The following PTPRD variants were observed in gnomAD, a reference collection of about 807,000 sequenced individuals.
PTPRD encodes the protein receptor-type tyrosine-protein phosphatase delta.
PTPRD carries 34 observed loss-of-function variants against 214.5 expected under a neutral mutation model. That is an observed-to-expected ratio of 0.16 (90% CI 0.12 to 0.21). PTPRD has a LOEUF of 0.21. PTPRD is among the 10% of genes least tolerant of loss of function. PTPRD has a pLI of 1.00. For synonymous variants in PTPRD, 1,128 were observed against 845.7 expected (o/e 1.33, Z -5.79); for missense variants, 2,545 against 2,398.7 (o/e 1.06, Z -1.27).
intron 11 of PTPRD, among the ~76,000 whole-genome samples, chr9:8,858,642 T>G (rs1387860911): frequency 6.6e-6 from 1 of 151,832 alleles, no homozygotes; most frequent in Non-Finnish European, 1.5e-5. Flanking sequence ...GCGCGTTGCC[T>G]GCGCGTGAGT....
intron 9 of PTPRD, among the ~76,000 whole-genome samples, chr9:9,366,699 T>C (rs1000193313): frequency 3.3e-5 from 5 of 151,484 alleles, no homozygotes; most frequent in African/African-American, 1.2e-4. Flanking sequence ...GTAAATGAAA[T>C]ATGCAATTTA....
At chr9:8,767,042 G>C (rs183942284) in intron 11 of PTPRD, among the ~76,000 whole-genome samples, 1 of 152,268 alleles carries the variant, frequency 6.6e-6, no homozygotes, top group East Asian at 1.9e-4. Flanking sequence ...AAGAGAAATA[G>C]ATAATGCCCC....
intron 10 of PTPRD, among the ~76,000 whole-genome samples, chr9:9,046,791 A>T (rs747667048): frequency 5.9e-5 from 9 of 152,176 alleles, no homozygotes; most frequent in Non-Finnish European, 1.3e-4. Context: ...ATCTGTTTAC[A>T]ACATACCCTT....
At chr9:9,438,812 C>T (rs574081293) in intron 8 of PTPRD, among the ~76,000 whole-genome samples, 1 of 152,018 alleles carries the variant, frequency 6.6e-6, no homozygotes, top group Admixed American at 6.6e-5. Context: ...TAATTTCTTT[C>T]AAAGTATAAA....
rs144590684 is a variant in PTPRD, at chr9:9,863,295, A to C, written c.-368+75212T>G. On this transcript the variant is annotated intron_variant, in intron 5 of 45. Transcript: ENST00000381196. ...TTGGATTAATAACTATTTGAGATAC[A>C]TTCTAAAAAATTTGATAATTGATAA... Among the ~76,000 whole-genome samples the C allele has an allele frequency of 4.1e-3, 620 of 152,318 alleles. 7 individuals carry two copies. Among genetic ancestry groups the C allele is most frequent in the African/African-American group, 0.014 (600 of 41,570 alleles).
chr9:8,821,754 C>G (rs1010644630), intron 11 of PTPRD, among the ~76,000 whole-genome samples: 2 of 152,208 alleles, frequency 1.3e-5, no homozygotes, highest in Non-Finnish European at 2.9e-5. Context: ...CAACCTCCGC[C>G]TCCCAGGTTC....
chr9:10,205,588 G>T (rs1487847720), intron 3 of PTPRD, among the ~76,000 whole-genome samples: 1 of 151,722 alleles, frequency 6.6e-6, no homozygotes, highest in African/African-American at 2.4e-5. Flanking sequence ...TATGTGTTTA[G>T]TAAAGACAGT....
chr9:9,620,919 T>C (rs566239752), intron 7 of PTPRD, among the ~76,000 whole-genome samples: 18 of 152,072 alleles, frequency 1.2e-4, no homozygotes, highest in Admixed American at 7.8e-4. Flanking sequence ...ATATGGTACT[T>C]GGCCAACGAG....
chr9:8,611,869 G>C (rs542209835), intron 14 of PTPRD, among the ~76,000 whole-genome samples: 1 of 148,382 alleles, frequency 6.7e-6, no homozygotes, highest in South Asian at 2.2e-4. Context: ...ATCACTTCCA[G>C]AAAGATGATG....
At chr9:8,910,846 A>C (rs1325439326) in intron 11 of PTPRD, among the ~76,000 whole-genome samples, 1 of 152,240 alleles carries the variant, frequency 6.6e-6, no homozygotes, top group Non-Finnish European at 1.5e-5. Context: ...CTAAGTAAAA[A>C]TTATGTTCAT....
intron 8 of PTPRD, among the ~76,000 whole-genome samples, chr9:9,496,799 C>G (rs1334879136): frequency 6.6e-6 from 1 of 152,160 alleles, no homozygotes; most frequent in Non-Finnish European, 1.5e-5. Context: ...GACATTTATA[C>G]ACCCATGTTT....
At chr9:9,462,564 C>T (rs1002615560) in intron 8 of PTPRD, among the ~76,000 whole-genome samples, 1 of 152,040 alleles carries the variant, frequency 6.6e-6, no homozygotes, top group African/African-American at 2.4e-5. Context: ...AAACAAATAA[C>T]AATCCAACAA....
intron 2 of PTPRD, among the ~76,000 whole-genome samples, chr9:10,429,417 A>C (rs2098655981): frequency 6.6e-6 from 1 of 152,010 alleles, no homozygotes; most frequent in Non-Finnish European, 1.5e-5. Context: ...CACAAAAGCA[A>C]AATATAGAAT....
intron 35 of PTPRD, among the ~76,000 whole-genome samples, chr9:8,427,660 C>T (rs1282427614): frequency 1.3e-5 from 2 of 151,834 alleles, no homozygotes; most frequent in East Asian, 1.9e-4. Context: ...GTCTTTTATT[C>T]TTCTTCTTCT....
chr9:8,476,199 G>C (rs2096760965), intron 30 of PTPRD, among the ~76,000 whole-genome samples: 1 of 152,130 alleles, frequency 6.6e-6, no homozygotes, highest in Admixed American at 6.5e-5. Context: ...ATGGTTTTGA[G>C]ATGAAACTGT....
Position 8,316,297 on chromosome 9 carries a change from C to G in PTPRD, c.*1577G>C. On this transcript the variant is annotated 3_prime_UTR_variant, in exon 46 of 46. Coordinates refer to ENST00000381196, the MANE Select transcript of PTPRD (RefSeq NM_002839.4). ...TACGAACAGTGAATGGAAATACGAA[C>G]CAAAAGCTAAAAAGAAATGCTATTA... The G allele has an allele frequency of 4.3e-6, 1 of 230,706 alleles. No individual in the cohort carries two copies. The highest frequency in any genetic ancestry group is 8.6e-6 in the Non-Finnish European group (1 of 116,280). The allele number at this position is 230,706 out of a possible 1,614,324, so 14.3% of individuals were successfully genotyped here. A position where few individuals can be genotyped will look rare whatever the true frequency, so the allele number is the denominator to read the frequency against.
chr9:8,686,219 C>G (rs2154377051), intron 12 of PTPRD, among the ~76,000 whole-genome samples: 1 of 152,282 alleles, frequency 6.6e-6, no homozygotes, highest in African/African-American at 2.4e-5. Context: ...ATGTTGTTTT[C>G]ATATTAAAAA....
chr9:8,724,768 TAA>T (rs112711921), intron 12 of PTPRD, among the ~76,000 whole-genome samples: 2 of 143,064 alleles, frequency 1.4e-5, no homozygotes, highest in African/African-American at 5.1e-5. Flanking sequence ...ACCCCATCTC[TAA>T]AAAAAAAAAA....
At chr9:9,886,429 C>T (rs745606731) in intron 5 of PTPRD, among the ~76,000 whole-genome samples, 22 of 151,970 alleles carry the variant, frequency 1.4e-4, no homozygotes, top group Non-Finnish European at 2.5e-4. Context: ...GAAACTATTG[C>T]CATAAAAAAG....
Sources: allele counts gnomAD v4.1 joint callset (sites outside exome capture counted in the v4.1 genomes callset), GRCh38; gene constraint gnomAD v4.1.1; transcripts MANE v1.5; gene names NCBI Gene and HGNC (gene_info 2026-07-23, HGNC 2026-07-21).